PTK2: variants seen among roughly 807,000 people sequenced by gnomAD.
PTK2 encodes focal adhesion kinase 1.
Under a neutral mutation model 150.1 loss-of-function variants are expected in PTK2, and 45 were observed. The observed-to-expected ratio is 0.30, with a 90% CI of 0.24 to 0.38. The LOEUF is 0.38. PTK2 is among the 10% of genes least tolerant of loss of function. The pLI is 1.00. For missense variants in PTK2, 919 were observed against 1,307.3 expected (o/e 0.70, Z 4.58); for synonymous variants, 432 against 449.2 (o/e 0.96, Z 0.48).
At chr8:140,855,469 A>T (rs1598846960) in intron 5 of PTK2, among the ~76,000 whole-genome samples, 1 of 151,842 alleles carries the variant, frequency 6.6e-6, no homozygotes, top group Admixed American at 6.6e-5. Flanking sequence ...GTGGCGGGCG[A>T]CTGTAGTCCC....
intron 2 of PTK2, among the ~76,000 whole-genome samples, chr8:140,896,699 A>G (rs899208386): frequency 4.1e-5 from 6 of 146,648 alleles, no homozygotes; most frequent in Non-Finnish European, 7.5e-5. Flanking sequence ...GAAATAAGAC[A>G]TGGATGCCCA....
At chr8:140,868,998 G>C (rs575076344) in intron 4 of PTK2, among the ~76,000 whole-genome samples, 1 of 152,280 alleles carries the variant, frequency 6.6e-6, no homozygotes, top group South Asian at 2.1e-4. Context: ...GAAACTGGCT[G>C]AAGGGTACAC....
intron 29 of PTK2, 62 bp downstream of exon 32, chr8:140,674,236 G>A: frequency 6.8e-7 from 1 of 1,461,750 alleles, no homozygotes; most frequent in South Asian, 1.2e-5. Context: ...CACATCAACT[G>A]AGAACTAGGG....
chr8:140,794,057 C>A (rs1430168794), intron 12 of PTK2, among the ~76,000 whole-genome samples: 11 of 152,172 alleles, frequency 7.2e-5, no homozygotes. Context: ...TTTCGCAAAC[C>A]AGGAAACATG....
At chr8:140,735,542 T>G in intron 21 of PTK2, 87 bp from the exon 25 acceptor site, 1 of 1,357,002 alleles carries the variant, frequency 7.4e-7, no homozygotes, top group South Asian at 1.2e-5. Context: ...TTCTAGGCAC[T>G]CGAGTACCAG....
intron 24 of PTK2, 118 bp from the exon 28 acceptor site, chr8:140,702,825 C>T: frequency 1.8e-6 from 2 of 1,102,630 alleles, no homozygotes; most frequent in Non-Finnish European, 1.3e-6. Flanking sequence ...TTATGGCCCC[C>T]CAAAGATACC....
intron 14 of PTK2, among the ~76,000 whole-genome samples, chr8:140,782,418 T>C (rs568755299): frequency 3.3e-5 from 5 of 152,174 alleles, no homozygotes; most frequent in African/African-American, 9.6e-5. Flanking sequence ...CTACAGTTTT[T>C]GTAGAGACAG....
intron 14 of PTK2, chr8:140,765,059 T>C (rs1010703827): frequency 1.3e-5 from 2 of 152,234 alleles, no homozygotes; most frequent in South Asian, 2.1e-4. Flanking sequence ...CAGTCACTCA[T>C]GTGGTAACAC....
At chr8:140,885,017 T>G (rs545173149) in intron 3 of PTK2, among the ~76,000 whole-genome samples, 1 of 152,316 alleles carries the variant, frequency 6.6e-6, no homozygotes, top group South Asian at 2.1e-4. Flanking sequence ...TAAGGGGTTT[T>G]GAATGGGATA....
chr8:140,661,551 C>G (rs2080026537), intron 31 of PTK2, among the ~76,000 whole-genome samples: 1 of 152,214 alleles, frequency 6.6e-6, no homozygotes, highest in East Asian at 1.9e-4. Flanking sequence ...AAAATCAACA[C>G]AGATTTGGGA....
rs181808457 is a variant in PTK2 at position 140,742,962 on chromosome 8, T to G, written c.1735+268A>C. 3.9e-5 allele frequency among the ~76,000 whole-genome samples: 6 copies of G among 152,342 alleles called. No individual in the cohort carries two copies. The East Asian group carries it at 1.2e-3, about 29-fold the overall frequency. ...TAGATGCTAAATATTTACTCGTGTT[T>G]TTTTCTAAAAATTTATTATTTTGTA... On this transcript the variant is annotated intron_variant, in intron 20 of 31. Transcript: ENST00000522684.
chr8:140,777,534 CAGGGACAAATATCCAA>C (rs2100079152), intron 14 of PTK2, among the ~76,000 whole-genome samples: 1 of 152,188 alleles, frequency 6.6e-6, no homozygotes, highest in African/African-American at 2.4e-5. Flanking sequence ...GAGATTTGGG[CAGGGACAAATATCCAA>C]ATGATATCAG....
chr8:140,941,193 G>A (rs1237207858), intron 1 of PTK2, among the ~76,000 whole-genome samples: 1 of 152,118 alleles, frequency 6.6e-6, no homozygotes, highest in Non-Finnish European at 1.5e-5. Flanking sequence ...CCAGGGTTAA[G>A]TTAATGAAGA....
At chr8:140,739,023 A>T (rs2100054158) in exon 21 of PTK2, 1 of 1,558,098 alleles carries the variant, frequency 6.4e-7, no homozygotes, top group Non-Finnish European at 8.7e-7. Flanking sequence ...CTCACCAAAC[A>T]TCCATACGTC....
At chr8:140,828,339 C>T (rs1275269143) in intron 8 of PTK2, among the ~76,000 whole-genome samples, 1 of 152,106 alleles carries the variant, frequency 6.6e-6, no homozygotes, top group African/African-American at 2.4e-5. Context: ...AGGGCCAGTC[C>T]TCTACCGAAC....
At chr8:140,707,406 C>A (rs2100034435) in intron 23 of PTK2, among the ~76,000 whole-genome samples, 1 of 152,180 alleles carries the variant, frequency 6.6e-6, no homozygotes, top group African/African-American at 2.4e-5. Context: ...ACTAAAAAAA[C>A]ATCGAATTGT....
At chr8:140,659,719 ATTTTT>A in intron 31 of PTK2, 41 bp from the exon 36 acceptor site, 1 of 1,339,698 alleles carries the variant, frequency 7.5e-7, no homozygotes, top group South Asian at 1.3e-5. Context: ...GTTTTCAGTG[ATTTTT>A]TTTTTTCTTT....
chr8:140,918,251 A>C (rs10111363), intron 2 of PTK2, among the ~76,000 whole-genome samples: 67,197 of 152,088 alleles, frequency 0.44, 16,064 homozygotes, highest in Non-Finnish European at 0.55. Flanking sequence ...TAATGAGCAA[A>C]AGGACAACGG....
chr8:140,819,396 A>C (rs2100106804), intron 8 of PTK2, among the ~76,000 whole-genome samples: 1 of 152,248 alleles, frequency 6.6e-6, no homozygotes, highest in Non-Finnish European at 1.5e-5. Context: ...TTCTGAAGGA[A>C]AGCACAAATC....
Sources: allele counts gnomAD v4.1 joint callset (sites outside exome capture counted in the v4.1 genomes callset), GRCh38; gene constraint gnomAD v4.1.1; transcripts MANE v1.5; gene names NCBI Gene and HGNC (gene_info 2026-07-23, HGNC 2026-07-21).